Variants in SV2C observed in about 807,000 individuals in gnomAD.
The protein encoded by SV2C is solute carrier family 22 member B3.
A neutral mutation model predicts 79.7 loss-of-function variants in SV2C; 49 were observed. The observed-to-expected ratio is 0.61, with a 90% CI of 0.49 to 0.78. The LOEUF (loss-of-function observed/expected upper bound fraction) is 0.78, where lower values mean the gene tolerates loss of function less well. SV2C is among the 30% of genes least tolerant of loss of function. The probability of loss-of-function intolerance (pLI) is 0.00; values close to 1 mark genes in which losing one functional copy is unlikely to be tolerated. For missense variants in SV2C, 833 were observed against 912.9 expected (o/e 0.91, Z 1.13); for synonymous variants, 334 against 333.2 (o/e 1.00, Z -0.03).
chr5:76,031,680 T>C, the SV2C span, among the ~76,000 whole-genome samples: 1 of 152,208 alleles, frequency 6.6e-6, no homozygotes, highest in African/African-American at 2.4e-5. Context: ...AATATCTTTA[T>C]TATTACCTAG....
chr5:76,300,913 T>C lies in SV2C; in HGVS notation c.1821T>C (p.Ile607=). ...TGTCTGCTCTGCTGATGGACAGAAT[T>C]GGGCGCTTAACAATGCTAGGTATGT... ...NIVSALLMDR[I]GRLTMLGGSM... is the part of the protein sequence containing the mutation. Residue 607 remains isoleucine, a synonymous_variant, in exon 11 of 13, where the codon ATT becomes ATC. Coordinates refer to ENST00000502798, the MANE Select transcript of SV2C (RefSeq NM_014979.4). 1 of 1,614,124 alleles carries C rather than the reference T, an allele frequency of 6.2e-7. No homozygotes were observed. Among genetic ancestry groups the C allele is most frequent in the Non-Finnish European group, 8.5e-7 (1 of 1,179,974 alleles).
chr5:76,006,545 A>G, the SV2C span, among the ~76,000 whole-genome samples: 1 of 152,162 alleles, frequency 6.6e-6, no homozygotes, highest in Non-Finnish European at 1.5e-5. Flanking sequence ...TGCAGAATAT[A>G]AAGGCTAATC....
chr5:76,064,940 CG>C, the SV2C span, among the ~76,000 whole-genome samples: 2 of 152,052 alleles, frequency 1.3e-5, no homozygotes, highest in African/African-American at 2.4e-5. Flanking sequence ...TCCTTTTTCT[CG>C]TAAGTATTAG....
At chr5:75,996,748 T>C in the SV2C span, among the ~76,000 whole-genome samples, 1 of 151,832 alleles carries the variant, frequency 6.6e-6, no homozygotes, top group Non-Finnish European at 1.5e-5. Flanking sequence ...TTGAAGCAAT[T>C]GTGAATGGGA....
At chr5:76,177,477 AAAT>A (rs1378228391) in intron 2 of SV2C, among the ~76,000 whole-genome samples, 7 of 152,042 alleles carry the variant, frequency 4.6e-5, no homozygotes, top group South Asian at 2.1e-4. Context: ...ACTGATAATA[AAAT>A]AATAAACTAG....
chr5:76,146,795 TTTAAAAAA>T (rs1411708264), intron 2 of SV2C, among the ~76,000 whole-genome samples: 8 of 76,542 alleles, frequency 1.0e-4, no homozygotes, highest in Admixed American at 4.1e-4. Context: ...TGAGTTTTTT[TTTAAAAAA>T]AAAAAAAAAA....
chr5:76,273,146 G>GATATATATATATATATATATATAT (rs369657969), intron 4 of SV2C, among the ~76,000 whole-genome samples: 3 of 129,116 alleles, frequency 2.3e-5, no homozygotes, highest in African/African-American at 8.7e-5. Context: ...TTACAAAAAA[G>GATATATATATATATATATATATAT]ATATATATAT....
At chr5:76,285,972 T>C in intron 6 of SV2C, 102 bp downstream of exon 6, 2 of 998,548 alleles carry the variant, frequency 2.0e-6, no homozygotes, top group Non-Finnish European at 3.0e-6. Flanking sequence ...TCATACGGTC[T>C]TTGACACAGC....
At chr5:76,039,725 C>T in the SV2C span, among the ~76,000 whole-genome samples, 1 of 147,010 alleles carries the variant, frequency 6.8e-6, no homozygotes, top group East Asian at 2.0e-4. Context: ...CATTGCACTC[C>T]AGCCTGGGCA....
rs1295772637 is a variant in SV2C at position 76,253,381 on chromosome 5, TC to T, written c.914-31778del. Among the ~76,000 whole-genome samples the T allele has an allele frequency of 2.6e-5, 4 of 152,166 alleles. No individual in the cohort carries two copies. In the East Asian group the frequency reaches 7.7e-4, roughly 29 times the overall value. ...ATCTTGGTTCACTGCAACCTCGGTCTCCCGGGCTCAAGCGAAAATCTCCTTT... is the reference window on the plus strand; with the variant it reads ...ATCTTGGTTCACTGCAACCTCGGTCTCCGGGCTCAAGCGAAAATCTCCTTT... On this transcript the variant is annotated intron_variant, in intron 4 of 12. Coordinates refer to ENST00000502798, the MANE Select transcript of SV2C (RefSeq NM_014979.4).
At chr5:76,027,749 A>T in the SV2C span, among the ~76,000 whole-genome samples, 1 of 152,186 alleles carries the variant, frequency 6.6e-6, no homozygotes, top group Admixed American at 6.5e-5. Flanking sequence ...TGCTTTTAAG[A>T]TGTGTTAAGT....
the SV2C span, among the ~76,000 whole-genome samples, chr5:75,854,007 A>C: frequency 1.3e-5 from 2 of 152,048 alleles, no homozygotes; most frequent in East Asian, 1.9e-4. Context: ...AAAAAAAAAA[A>C]AAAACCTCCT....
chr5:76,301,268 C>G (rs1054646381), intron 11 of SV2C, 118 bp from the exon 12 acceptor site: 61 of 1,349,828 alleles, frequency 4.5e-5, no homozygotes, highest in Non-Finnish European at 4.6e-5. Flanking sequence ...CTTTATGGAG[C>G]CCATCCTGCA....
At chr5:76,025,660 CTGTT>C in the SV2C span, among the ~76,000 whole-genome samples, 12 of 152,124 alleles carry the variant, frequency 7.9e-5, no homozygotes, top group Non-Finnish European at 1.8e-4. Context: ...ATTTGCAGCA[CTGTT>C]TAATACATGC....
chr5:76,273,737 G>C (rs1042661315), intron 4 of SV2C, among the ~76,000 whole-genome samples: 2 of 152,152 alleles, frequency 1.3e-5, no homozygotes, highest in African/African-American at 4.8e-5. Context: ...GATGACTATT[G>C]GAGTTTGTTG....
At chr5:75,909,029 G>A in the SV2C span, among the ~76,000 whole-genome samples, 2 of 152,148 alleles carry the variant, frequency 1.3e-5, no homozygotes, top group African/African-American at 4.8e-5. Flanking sequence ...TGTGCTGAGA[G>A]GTAAGAAGTT....
At chr5:75,863,980 G>T in the SV2C span, among the ~76,000 whole-genome samples, 5 of 152,100 alleles carry the variant, frequency 3.3e-5, no homozygotes, top group African/African-American at 1.2e-4. Flanking sequence ...AAGGAAGCAG[G>T]TTATAACTAG....
chr5:75,909,490 T>C, the SV2C span, among the ~76,000 whole-genome samples: 2 of 152,188 alleles, frequency 1.3e-5, no homozygotes, highest in African/African-American at 2.4e-5. Flanking sequence ...GACTGGAAAG[T>C]GTTGTCTGTG....
chr5:76,200,094 T>G (rs181816494), intron 3 of SV2C, among the ~76,000 whole-genome samples: 3 of 152,284 alleles, frequency 2.0e-5, no homozygotes, highest in Admixed American at 6.5e-5. Flanking sequence ...GTCACTGTGG[T>G]CAACCAGTCA....
Sources: allele counts gnomAD v4.1 joint callset (sites outside exome capture counted in the v4.1 genomes callset), GRCh38; gene constraint gnomAD v4.1.1; transcripts MANE v1.5; gene names NCBI Gene and HGNC (gene_info 2026-07-23, HGNC 2026-07-21).